The following TPI1 variants were observed in gnomAD, a reference collection of about 807,000 sequenced individuals.
TPI1 encodes triosephosphate isomerase 1, also known as triosephosphate isomerase.
In TPI1, 11 loss-of-function variants were observed where a neutral mutation model predicts 31.0. The observed-to-expected ratio is 0.36, with a 90% CI of 0.22 to 0.59. TPI1 has a LOEUF of 0.59. TPI1 is among the 20% of genes least tolerant of loss of function. The pLI, the probability that TPI1 is intolerant of heterozygous loss-of-function variation, is 0.79. For missense variants in TPI1, 245 were observed against 319.7 expected (o/e 0.77, Z 1.78); for synonymous variants, 121 against 122.8 (o/e 0.99, Z 0.10).
chr12:6,868,616 G>A (rs1944512333), intron 1 of TPI1: 1 of 1,363,178 alleles, frequency 7.3e-7, no homozygotes, highest in Admixed American at 2.7e-5. Context: ...AGCCCCAGCT[G>A]TTAAAAGAGC....
chr12:6,868,928 T>G lies in TPI1; in HGVS notation c.180T>G (p.Ile60Met), dbSNP rs782180796. The G allele has an allele frequency of 6.2e-7, 1 of 1,614,162 alleles. No individual in the cohort carries two copies. The highest frequency in any genetic ancestry group is 8.5e-7 in the Non-Finnish European group (1 of 1,180,028). ...DFARQKLDPK[I>M]AVAAQNCYKV... is the part of the protein sequence containing the mutation. ...CCCGGCAGAAGCTAGATCCCAAGAT[T>G]GCTGTGGCTGCGCAGAACTGCTACA... is the stretch of plus-strand genomic sequence containing the variant. Residue 60 changes from isoleucine (I) to methionine (M), a missense_variant, in exon 2 of 7, where the codon ATT (isoleucine) becomes ATG (methionine). Transcript: ENST00000396705.
At chr12:6,868,084 G>A (rs1944498264) in intron 1 of TPI1, 5 of 1,235,186 alleles carry the variant, frequency 4.0e-6, no homozygotes, top group Non-Finnish European at 5.2e-6. Flanking sequence ...GCCGTGCGCC[G>A]CCGCACGTAG....
Position 6,870,036 on chromosome 12 carries a change from C to T in TPI1, c.544-13C>T. The T allele has an allele frequency of 6.2e-7, 1 of 1,612,850 alleles. No individual in the cohort carries two copies. The highest frequency in any genetic ancestry group is 8.5e-7 in the Non-Finnish European group (1 of 1,178,744). On this transcript the variant is annotated splice_polypyrimidine_tract_variant and intron_variant, in intron 5 of 6. Transcript: ENST00000396705. ...GCAGAAAAGGTCTTACTTAGGCCAG[C>T]TTCTTGTTCTAGGCCCAGGAAGTAC...
rs942159722 is a variant in TPI1 at position 6,869,585 on chromosome 12, T to A, written c.458-103T>A. 5 of 1,475,640 alleles carry A rather than the reference T, an allele frequency of 3.4e-6. No homozygotes were observed. In the South Asian group the frequency reaches 3.4e-5, roughly 10 times the overall value. 91.4% of individuals were successfully genotyped at this position (1,475,640 alleles called of 1,614,324 possible). ...GATGCCACCTGGAAATCCCCCAATG[T>A]CCACTAGGGGGCAGTAGGCCACCGT... On this transcript the variant is annotated intron_variant, in intron 4 of 6. Transcript: ENST00000396705.
At position 6,870,374 on chromosome 12, in the gene TPI1, C is replaced by T; in HGVS notation, c.741C>T (p.Ala247=). The change falls in exon 7 of 7, where the codon GCC becomes GCT. Residue 247 remains alanine, a synonymous_variant. Transcript: ENST00000396705. ...CCGAATTCGTGGACATCATCAATGC[C>T]AAACAATGAGCCCCATCCATCTTCC... ...LKPEFVDIIN[A]KQ 1.9e-6 allele frequency: 3 copies of T among 1,610,880 alleles called. No individual in the cohort carries two copies. The highest frequency in any genetic ancestry group is 2.5e-6 in the Non-Finnish European group (3 of 1,177,490).
At chr12:6,868,036 C>A (rs1277068167) in intron 1 of TPI1, 23 of 1,221,256 alleles carry the variant, frequency 1.9e-5, no homozygotes, top group Non-Finnish European at 2.0e-5. Flanking sequence ...GAGGCTGGGC[C>A]GCGTGGGCTT....
At chr12:6,869,503 G>C (rs1312279557) in intron 4 of TPI1, 113 bp downstream of exon 4, 19 of 1,553,728 alleles carry the variant, frequency 1.2e-5, no homozygotes, top group Non-Finnish European at 1.7e-5. Context: ...AAAGGAAAAA[G>C]GGGAGGGGGA....
In TPI1 at chr12:6,870,420, G is replaced by A; in HGVS notation, c.*37G>A. 6.6e-7 allele frequency: 1 copy of A among 1,516,112 alleles called. No homozygotes were observed. The highest frequency in any genetic ancestry group is 1.1e-5 in the South Asian group (1 of 89,100). 93.9% of individuals were successfully genotyped at this position (1,516,112 alleles called of 1,614,324 possible). A position where few individuals can be genotyped will look rare whatever the true frequency, so the allele number is the denominator to read the frequency against. Reference sequence around the variant, plus strand: ...CTTCCCTACCCTTCCTGCCAAGCCAGGGACTAAGCAGCCCAGAAGCCCAGT... The same window carrying A: ...CTTCCCTACCCTTCCTGCCAAGCCAAGGACTAAGCAGCCCAGAAGCCCAGT... On this transcript the variant is annotated 3_prime_UTR_variant, in exon 7 of 7. Coordinates refer to ENST00000396705, the MANE Select transcript of TPI1 (RefSeq NM_000365.6).
At chr12:6,867,425 G>GGGGGCAGGGCTCCGGGGGACTGGGC, upstream of TPI1, 1 of 1,453,298 alleles carries the variant, frequency 6.9e-7, no homozygotes, top group Non-Finnish European at 9.1e-7. Flanking sequence ...AGGGCGGGCG[G>GGGGGCAGGGCTCCGGGGGACTGGGC]GGGGCAGGGC....
Position 6,868,169 on chromosome 12 carries a change from C to T in TPI1, c.115+488C>T. The T allele has an allele frequency of 2.3e-6, 3 of 1,288,190 alleles. No homozygotes were observed. In the South Asian group the frequency reaches 3.7e-5, roughly 16 times the overall value. The allele number at this position is 1,288,190 out of a possible 1,614,324, so 79.8% of individuals were successfully genotyped here. On this transcript the variant is annotated intron_variant, in intron 1 of 6. Coordinates refer to ENST00000396705, the MANE Select transcript of TPI1 (RefSeq NM_000365.6). ...TGCTCGGGCTCCCTGAGCCCCAGAT[C>T]TGACCCCTTCCCTTCGGCAACCTGA...
chr12:6,868,590 A>G (rs1398365068), intron 1 of TPI1: 3 of 1,333,456 alleles, frequency 2.2e-6, no homozygotes, highest in East Asian at 6.8e-5. Context: ...TGCCGAGAAT[A>G]GCTCGAGGAA....
Position 6,868,889 on chromosome 12 carries a change from C to T in TPI1, c.141C>T (p.Ala47=), listed in dbSNP as rs1301392402. 1.2e-6 allele frequency: 2 copies of T among 1,613,684 alleles called. No homozygotes were observed. Among genetic ancestry groups the T allele is most frequent in the African/African-American group, 2.7e-5 (2 of 74,922 alleles). ...DTEVVCAPPT[A]YIDFARQKLD... ...AGGTGGTTTGTGCTCCCCCTACTGC[C>T]TATATCGACTTCGCCCGGCAGAAGC... The change falls in exon 2 of 7, where the codon GCC becomes GCT. Residue 47 remains alanine (A), a synonymous_variant. Transcript: ENST00000396705.
At chr12:6,868,561 T>A (rs1237894147) in intron 1 of TPI1, 2 of 1,305,780 alleles carry the variant, frequency 1.5e-6, no homozygotes, top group South Asian at 1.4e-5. Context: ...TGGAGAATGC[T>A]GAGTCTGTGA....
chr12:6,868,952 CAA>C lies in TPI1; in HGVS notation c.206_207del (p.Lys69SerfsTer3). ...TTGCTGTGGCTGCGCAGAACTGCTA[CAA>C]AGTGACTAATGGGGCTTTTACTGGG... ...KIAVAAQNCY[K>X]VTNGAFTGEI... On this transcript the variant is annotated frameshift_variant, in exon 2 of 7. Transcript: ENST00000396705. LOFTEE classifies it high-confidence loss of function. 2 of 1,614,204 alleles carry C rather than the reference CAA, an allele frequency of 1.2e-6. No individual in the cohort carries two copies. Among genetic ancestry groups the C allele is most frequent in the Non-Finnish European group, 1.7e-6 (2 of 1,180,032 alleles).
In TPI1 at chr12:6,870,772, G is replaced by A. The variant is rs781917369; in HGVS notation, c.*389G>A. The A allele has an allele frequency of 1.4e-5, 7 of 510,356 alleles. No homozygotes were observed. The highest frequency in any genetic ancestry group is 3.8e-5 in the African/African-American group (2 of 52,268). 31.6% of individuals were successfully genotyped at this position (510,356 alleles called of 1,614,324 possible). On this transcript the variant is annotated 3_prime_UTR_variant, in exon 7 of 7. Transcript: ENST00000396705. ...AGTGCTGCCCTCTCCCATGGTGCCC[G>A]TGCCTCTGTGCTGTGTATGTGAACC...
At chr12:6,868,160 G>GC (rs11447131) in intron 1 of TPI1, 1,283,028 of 1,283,094 alleles carry the variant, frequency 1, 641,481 homozygotes, top group Middle Eastern at 1. Context: ...GGCTCCCTGA[G>GC]CCCCAGATCT....
chr12:6,867,666 G>C lies in TPI1; in HGVS notation c.100G>C (p.Val34Leu), dbSNP rs782808812. The part of the protein sequence containing the change: ...ELIGTLNAAK[V>L]PADTEVVCAP... ...CATCGGCACTCTGAACGCGGCCAAG[G>C]TGCCGGCCGACACCGGTAAGCCCTC... Residue 34 changes from valine to leucine, a missense_variant, in exon 1 of 7, where the codon GTG becomes CTG. This residue lies in a region of TPI1 where 95 missense variants were observed against 96.4 expected (regional missense o/e 0.99). Coordinates refer to ENST00000396705, the MANE Select transcript of TPI1 (RefSeq NM_000365.6). 9.3e-6 allele frequency: 15 copies of C among 1,609,904 alleles called. No individual in the cohort carries two copies. The South Asian group carries it at 1.5e-4, about 17-fold the overall frequency.
chr12:6,869,002 G>A lies in TPI1; in HGVS notation c.239+15G>A. ...GGGGAGATCAGGTGAGATCGAGGTGGAGAGGGGTGTGTGGGACCCTTCCCT... is the reference window on the plus strand; with the variant it reads ...GGGGAGATCAGGTGAGATCGAGGTGAAGAGGGGTGTGTGGGACCCTTCCCT... On this transcript the variant is annotated intron_variant, in intron 2 of 6. Coordinates refer to ENST00000396705, the MANE Select transcript of TPI1 (RefSeq NM_000365.6). The A allele has an allele frequency of 6.2e-7, 1 of 1,614,182 alleles. No homozygotes were observed. Among genetic ancestry groups the A allele is most frequent in the Non-Finnish European group, 8.5e-7 (1 of 1,180,034 alleles).
Position 6,870,911 on chromosome 12 carries a change from GA to G in TPI1, c.*541del, listed in dbSNP as rs201871949. The G allele has an allele frequency of 0.032, 16,483 of 519,956 alleles. 3 individuals carry two copies. Among genetic ancestry groups the G allele is most frequent in the East Asian group, 0.039 (1,009 of 25,900 alleles). The allele number at this position is 519,956 out of a possible 1,614,324, so 32.2% of individuals were successfully genotyped here. Reference sequence around the variant, plus strand: ...GCTATATAAATGATCATTTGTGCAAGAAAAAAAAAAAAACAAGAACAGGTTT... The same window carrying G: ...GCTATATAAATGATCATTTGTGCAAGAAAAAAAAAAAACAAGAACAGGTTT... On this transcript the variant is annotated 3_prime_UTR_variant, in exon 7 of 7. Transcript: ENST00000396705.
Sources: gnomAD v4.1 joint callset for allele counts on GRCh38, gnomAD v4.1.1 for gene constraint, gnomAD v4.1.1 regional missense constraint, MANE v1.5 for transcripts, NCBI Gene and HGNC (gene_info 2026-07-23, HGNC 2026-07-21) for gene names.